CNIH3: variants seen among roughly 807,000 people sequenced by gnomAD.
CNIH3 encodes the protein cornichon family AMPA receptor auxiliary protein 3, also known as protein cornichon homolog 3.
Under a neutral mutation model 24.1 loss-of-function variants are expected in CNIH3, and 14 were observed. The ratio of observed to expected loss-of-function variants is 0.58; its 90% confidence interval spans 0.38 to 0.91. CNIH3 has a LOEUF of 0.91. CNIH3 is among the 40% of genes least tolerant of loss of function. The probability of loss-of-function intolerance (pLI) is 0.00; values close to 1 mark genes in which losing one functional copy is unlikely to be tolerated. For synonymous variants in CNIH3, 68 were observed against 73.8 expected, an observed-to-expected ratio of 0.92 and a Z score of 0.40; for missense variants, 178 against 196.8, an observed-to-expected ratio of 0.90 and a Z score of 0.57.
chr1:224,560,204 T>C (rs911671777), intron 3 of CNIH3, among the ~76,000 whole-genome samples: 7 of 152,128 alleles, frequency 4.6e-5, no homozygotes, highest in Non-Finnish European at 7.4e-5. Context: ...CATGTGTATA[T>C]CCTATATTAT....
chr1:224,732,450 G>A lies in CNIH3; in HGVS notation c.311+1876G>A, dbSNP rs1169957355. On this transcript the variant is annotated intron_variant, in intron 4 of 5. Coordinates refer to ENST00000272133, the MANE Select transcript of CNIH3 (RefSeq NM_152495.2). Reference sequence around the variant, plus strand: ...GAGAGAAGTCAAATAGAAGATCCAGGATTCACAACAACCAAGTGAGCTGGG... The same window carrying A: ...GAGAGAAGTCAAATAGAAGATCCAGAATTCACAACAACCAAGTGAGCTGGG... Among the ~76,000 whole-genome samples, 8 of 152,166 alleles carry A rather than the reference G, an allele frequency of 5.3e-5. No individual in the cohort carries two copies. In the East Asian group the frequency reaches 1.5e-3, roughly 29 times the overall value.
At chr1:224,579,950 A>G (rs1681201946) in intron 4 of CNIH3, among the ~76,000 whole-genome samples, 1 of 152,160 alleles carries the variant, frequency 6.6e-6, no homozygotes, top group Non-Finnish European at 1.5e-5. Context: ...TAGCAACACA[A>G]ACGGACAAAG....
chr1:224,705,236 C>T (rs536960973), intron 3 of CNIH3, among the ~76,000 whole-genome samples: 6 of 152,122 alleles, frequency 3.9e-5, no homozygotes, highest in Non-Finnish European at 8.8e-5. Flanking sequence ...TGAAGAGTGC[C>T]GAATGCAGGT....
intron 4 of CNIH3, among the ~76,000 whole-genome samples, chr1:224,578,075 C>T (rs753802520): frequency 1.2e-3 from 180 of 152,144 alleles, no homozygotes; most frequent in Non-Finnish European, 2.3e-3. Context: ...GTGTACACTG[C>T]TCGGATGAAG....
chr1:224,569,867 T>A (rs573623264), intron 4 of CNIH3, among the ~76,000 whole-genome samples: 57 of 152,206 alleles, frequency 3.7e-4, no homozygotes, highest in Non-Finnish European at 4.1e-4. Flanking sequence ...CACTGCAAAC[T>A]CAACCTCCCG....
chr1:224,546,982 TG>T, intron 3 of CNIH3: 8 of 859,574 alleles, frequency 9.3e-6, no homozygotes, highest in Non-Finnish European at 1.1e-5. Context: ...TTAGGACTTT[TG>T]AAGTAGTAAT....
intron 1 of CNIH3, among the ~76,000 whole-genome samples, chr1:224,670,049 T>G (rs1288898759): frequency 1.3e-5 from 2 of 152,036 alleles, no homozygotes; most frequent in Admixed American, 6.6e-5. Context: ...GAGGTAGAGA[T>G]TATTCTCATT....
chr1:224,545,093 C>G (rs1292072307), intron 2 of CNIH3, among the ~76,000 whole-genome samples: 5 of 152,238 alleles, frequency 3.3e-5, no homozygotes, highest in Non-Finnish European at 7.3e-5. Context: ...TTGGCACTTT[C>G]TTCTCATAGA....
At chr1:224,649,019 G>A (rs1236927374) in intron 1 of CNIH3, among the ~76,000 whole-genome samples, 1 of 152,116 alleles carries the variant, frequency 6.6e-6, no homozygotes, top group African/African-American at 2.4e-5. Context: ...GCCCATCAGT[G>A]GTGGCTCCTT....
intron 4 of CNIH3, chr1:224,575,000 C>A: frequency 1.1e-6 from 1 of 873,780 alleles, no homozygotes; most frequent in South Asian, 1.3e-5. Context: ...AGATTGAGTG[C>A]CACCCGTACC....
chr1:224,476,344 A>G (rs1394706418), intron 1 of CNIH3, among the ~76,000 whole-genome samples: 1 of 152,240 alleles, frequency 6.6e-6, no homozygotes, highest in Admixed American at 6.5e-5. Flanking sequence ...AGACTCCACT[A>G]AGAAAACTAT....
chr1:224,523,393 C>T (rs1678720429), intron 2 of CNIH3, among the ~76,000 whole-genome samples: 1 of 152,126 alleles, frequency 6.6e-6, no homozygotes, highest in Admixed American at 6.5e-5. Context: ...CTATGTGCAA[C>T]AACATGAAAT....
At chr1:224,693,331 C>T (rs972511953) in intron 3 of CNIH3, among the ~76,000 whole-genome samples, 1 of 152,242 alleles carries the variant, frequency 6.6e-6, no homozygotes, top group African/African-American at 2.4e-5. Context: ...CACTGGGGAT[C>T]TGGGTAGCTG....
At chr1:224,511,933 T>C (rs967951025), upstream of CNIH3, among the ~76,000 whole-genome samples, 2 of 152,086 alleles carry the variant, frequency 1.3e-5, no homozygotes, top group African/African-American at 4.8e-5. Flanking sequence ...CCCAGCACTT[T>C]GGGAGGCTGA....
At chr1:224,705,248 G>T (rs1197814053) in intron 3 of CNIH3, among the ~76,000 whole-genome samples, 1 of 152,226 alleles carries the variant, frequency 6.6e-6, no homozygotes, top group African/African-American at 2.4e-5. Context: ...AATGCAGGTA[G>T]TTTTTAAAAG....
intron 2 of CNIH3, among the ~76,000 whole-genome samples, chr1:224,683,262 C>G (rs1253661440): frequency 6.6e-6 from 1 of 152,160 alleles, no homozygotes. Context: ...AGCTCATGGA[C>G]AGAATAAAGA....
intron 3 of CNIH3, among the ~76,000 whole-genome samples, chr1:224,713,620 A>G (rs1334401999): frequency 6.6e-6 from 1 of 152,180 alleles, no homozygotes; most frequent in East Asian, 1.9e-4. Context: ...AAAACACCAC[A>G]GTGGTTGGGG....
chr1:224,727,671 T>G (rs1256617538), intron 3 of CNIH3, among the ~76,000 whole-genome samples: 1 of 152,072 alleles, frequency 6.6e-6, no homozygotes, highest in Non-Finnish European at 1.5e-5. Context: ...TTCCATTTGG[T>G]CTAGAAGGAA....
At chr1:224,602,238 T>C (rs1233389725) in intron 3 of CNIH3, among the ~76,000 whole-genome samples, 1 of 152,218 alleles carries the variant, frequency 6.6e-6, no homozygotes, top group Non-Finnish European at 1.5e-5. Flanking sequence ...GGACCATAAA[T>C]CTAAAATGCA....
Sources: gnomAD v4.1 joint callset for allele counts (sites outside exome capture counted in the v4.1 genomes callset) on GRCh38, gnomAD v4.1.1 for gene constraint, MANE v1.5 for transcripts, NCBI Gene and HGNC (gene_info 2026-07-23, HGNC 2026-07-21) for gene names.